ZNF567: variants seen among roughly 807,000 people sequenced by gnomAD.
The protein encoded by ZNF567 is zinc finger protein 567.
A neutral mutation model predicts 53.9 loss-of-function variants in ZNF567; 36 were observed. That is an observed-to-expected ratio of 0.67 (90% CI 0.51 to 0.88). ZNF567 has a LOEUF of 0.88. ZNF567 is among the 40% of genes least tolerant of loss of function. The pLI, the probability that ZNF567 is intolerant of heterozygous loss-of-function variation, is 0.00. For synonymous variants in ZNF567, 224 were observed against 260.4 expected, an observed-to-expected ratio of 0.86 and a Z score of 1.35; for missense variants, 619 against 764.7, an observed-to-expected ratio of 0.81 and a Z score of 2.25.
intron 3 of ZNF567, 36 bp downstream of exon 3, chr19:36,694,912 T>A: frequency 7.0e-5 from 8 of 114,776 alleles, no homozygotes; most frequent in Non-Finnish European, 1.0e-4. Flanking sequence ...TCTGAAAGTC[T>A]TTTTTTTTTT....
At chr19:36,676,831 A>G in the ZNF567 span, among the ~76,000 whole-genome samples, 3 of 152,256 alleles carry the variant, frequency 2.0e-5, no homozygotes, top group East Asian at 5.8e-4. Flanking sequence ...CAGCCTGGGC[A>G]ACATGGTGAA....
chr19:36,678,440 A>G, the ZNF567 span, among the ~76,000 whole-genome samples: 1 of 152,352 alleles, frequency 6.6e-6, no homozygotes, highest in East Asian at 1.9e-4. Context: ...AAAGGAAACA[A>G]TAGGATGAAG....
intron 5 of ZNF567, among the ~76,000 whole-genome samples, chr19:36,715,669 A>G (rs1264977547): frequency 6.6e-6 from 1 of 151,206 alleles, no homozygotes; most frequent in East Asian, 2.0e-4. Context: ...AGCTGGGATT[A>G]CAGGCATGAG....
At position 36,712,763 on chromosome 19, in the gene ZNF567, C is replaced by G. The variant is rs769280501; in HGVS notation, c.137-18C>G. On this transcript the variant is annotated intron_variant, in intron 4 of 5. Transcript: ENST00000682579. The stretch of plus-strand genomic sequence containing the variant: ...GTATTATAGCCCAATCAACTTAAGT[C>G]TTTTTTTCACTTTTCAGGGTGTCAC... The G allele has an allele frequency of 4.3e-6, 7 of 1,609,546 alleles. No individual in the cohort carries two copies. The highest frequency in any genetic ancestry group is 5.1e-6 in the Non-Finnish European group (6 of 1,177,624).
intron 5 of ZNF567, among the ~76,000 whole-genome samples, chr19:36,713,453 A>G (rs1362711583): frequency 6.7e-6 from 1 of 149,364 alleles, no homozygotes; most frequent in South Asian, 2.1e-4. Context: ...GCCTGTCTCA[A>G]AAAAAAAAAA....
intron 3 of ZNF567, among the ~76,000 whole-genome samples, chr19:36,710,527 T>A (rs2039728122): frequency 6.6e-6 from 1 of 152,196 alleles, no homozygotes; most frequent in Non-Finnish European, 1.5e-5. Context: ...TTAGCTTGCT[T>A]GTAATCAAAC....
intron 5 of ZNF567, among the ~76,000 whole-genome samples, chr19:36,713,187 G>C (rs2039875852): frequency 6.6e-6 from 1 of 152,100 alleles, no homozygotes; most frequent in South Asian, 2.1e-4. Context: ...GGGTGTGGTG[G>C]CTCACACCTT....
At chr19:36,698,784 T>G (rs562605503) in intron 3 of ZNF567, among the ~76,000 whole-genome samples, 1 of 152,300 alleles carries the variant, frequency 6.6e-6, no homozygotes, top group African/African-American at 2.4e-5. Flanking sequence ...TTTTTTCTTG[T>G]AAATTTGTTT....
At position 36,720,318 on chromosome 19, in the gene ZNF567, C is replaced by A; in HGVS notation, c.1594C>A (p.Pro532Thr). The change falls in exon 6 of 6, where the codon CCC becomes ACC. Residue 532 changes from proline (P) to threonine (T), a missense_variant. Transcript: ENST00000682579. ...LHQRIHTGEK[P>T]YVCNECGKSF... ...TCAGAGAATTCATACAGGGGAGAAA[C>A]CCTATGTTTGTAATGAATGTGGGAA... 6.2e-7 allele frequency: 1 copy of A among 1,614,064 alleles called. No homozygotes were observed. The highest frequency in any genetic ancestry group is 8.5e-7 in the Non-Finnish European group (1 of 1,180,016).
chr19:36,699,106 T>C (rs1446530543), intron 3 of ZNF567, among the ~76,000 whole-genome samples: 1 of 152,102 alleles, frequency 6.6e-6, no homozygotes, highest in Admixed American at 6.5e-5. Context: ...GTATAAGGTG[T>C]AAGGAAGGGA....
Position 36,712,411 on chromosome 19 carries a change from CTG to C in ZNF567, c.38_39del (p.Val13GlyfsTer40). On this transcript the variant is annotated frameshift_variant, in exon 4 of 6. Transcript: ENST00000682579. LOFTEE classifies it high-confidence loss of function. ...GGATCAGTGTCTTTCAATGATGTGA[CTG>C]TGGACTTCACTCAGGAGGAGTGGCA... is the stretch of plus-strand genomic sequence containing the variant. 1 of 1,613,972 alleles carries C rather than the reference CTG, an allele frequency of 6.2e-7. No individual in the cohort carries two copies.
chr19:36,723,996 C>A (rs2040323532), downstream of ZNF567, among the ~76,000 whole-genome samples: 1 of 134,550 alleles, frequency 7.4e-6, no homozygotes, highest in African/African-American at 2.8e-5. Context: ...TATGGCAATT[C>A]TGTATTTCTT....
intron 3 of ZNF567, among the ~76,000 whole-genome samples, chr19:36,702,197 T>C (rs1481082109): frequency 6.6e-6 from 1 of 152,188 alleles, no homozygotes; most frequent in Non-Finnish European, 1.5e-5. Flanking sequence ...TTAGTTTGGC[T>C]GGATATGAAA....
At chr19:36,712,209 G>C (rs1049068692) in intron 3 of ZNF567, 177 bp from the exon 4 acceptor site, 1 of 529,128 alleles carries the variant, frequency 1.9e-6, no homozygotes, top group Non-Finnish European at 3.4e-6. Flanking sequence ...ACTATGCCCA[G>C]CTAATTTTTT....
downstream of ZNF567, among the ~76,000 whole-genome samples, chr19:36,725,452 C>T (rs2040331901): frequency 6.6e-6 from 1 of 152,206 alleles, no homozygotes; most frequent in Non-Finnish European, 1.5e-5. Flanking sequence ...ATCCACCTGC[C>T]TCGGCCTCCC....
At chr19:36,676,055 C>CTTTTTT in the ZNF567 span, among the ~76,000 whole-genome samples, 22 of 60,620 alleles carry the variant, frequency 3.6e-4, 4 homozygotes, top group East Asian at 1.0e-3. Flanking sequence ...TATTCTACAC[C>CTTTTTT]TTTTTTTTTT....
chr19:36,727,012 T>TTTCTTTCTTTCTTTCTTTCTTTCTTTTC (rs1555809313), downstream of ZNF567: 1 of 125,616 alleles, frequency 8.0e-6, no homozygotes, highest in Non-Finnish European at 1.6e-5. Context: ...CTTTCTTTCC[T>TTTCTTTCTTTCTTTCTTTCTTTCTTTTC]TTTTTTTTTT....
At chr19:36,709,512 A>C (rs3108216) in intron 3 of ZNF567, among the ~76,000 whole-genome samples, 1 of 150,266 alleles carries the variant, frequency 6.7e-6, no homozygotes, top group African/African-American at 2.4e-5. Flanking sequence ...CCCCCACTCC[A>C]GAGATAGAGA....
chr19:36,696,453 G>A (rs1044915189), intron 3 of ZNF567, among the ~76,000 whole-genome samples: 5 of 152,164 alleles, frequency 3.3e-5, no homozygotes, highest in South Asian at 2.1e-4. Context: ...TACATGTTCC[G>A]CAGATCCTTC....
Sources: allele counts gnomAD v4.1 joint callset (sites outside exome capture counted in the v4.1 genomes callset), GRCh38; gene constraint gnomAD v4.1.1; transcripts MANE v1.5; gene names NCBI Gene and HGNC (gene_info 2026-07-23, HGNC 2026-07-21).